Variants in MAPK4 observed in about 807,000 individuals in gnomAD.
MAPK4 encodes Erk3-related.
In MAPK4, 22 loss-of-function variants were observed where a neutral mutation model predicts 47.7. That is an observed-to-expected ratio of 0.46 (90% CI 0.33 to 0.66). The LOEUF (loss-of-function observed/expected upper bound fraction) is 0.66, where lower values mean the gene tolerates loss of function less well. MAPK4 is among the 30% of genes least tolerant of loss of function. The pLI is 0.02. For synonymous variants in MAPK4, 390 were observed against 365.7 expected, an observed-to-expected ratio of 1.07 and a Z score of -0.76; for missense variants, 736 against 831.7, an observed-to-expected ratio of 0.88 and a Z score of 1.42.
At chr18:50,597,315 G>T (rs1181012314) in intron 1 of MAPK4, among the ~76,000 whole-genome samples, 1 of 152,158 alleles carries the variant, frequency 6.6e-6, no homozygotes, top group South Asian at 2.1e-4. Flanking sequence ...CAGATCCAGA[G>T]ATATTACCAA....
At chr18:50,599,043 T>C (rs538112159) in intron 1 of MAPK4, among the ~76,000 whole-genome samples, 21 of 152,344 alleles carry the variant, frequency 1.4e-4, no homozygotes, top group Non-Finnish European at 2.2e-4. Flanking sequence ...TTCCATACTC[T>C]GTTCTTTGGA....
chr18:50,576,742 G>A (rs1013086264), intron 1 of MAPK4, among the ~76,000 whole-genome samples: 1 of 152,312 alleles, frequency 6.6e-6, no homozygotes, highest in African/African-American at 2.4e-5. Context: ...TGTCAGGTCT[G>A]TGGAAGTCCC....
intron 1 of MAPK4, among the ~76,000 whole-genome samples, chr18:50,643,435 A>T (rs910667477): frequency 6.6e-6 from 1 of 152,264 alleles, no homozygotes; most frequent in African/African-American, 2.4e-5. Context: ...AGGCGGGAGG[A>T]TCACTTGAAC....
intron 2 of MAPK4, among the ~76,000 whole-genome samples, chr18:50,688,416 G>T (rs1444059308): frequency 6.6e-6 from 1 of 152,210 alleles, no homozygotes; most frequent in Non-Finnish European, 1.5e-5. Flanking sequence ...GTCAGAAAAG[G>T]CATGTGGAGG....
At chr18:50,700,136 C>T (rs779563561) in intron 2 of MAPK4, among the ~76,000 whole-genome samples, 1 of 152,158 alleles carries the variant, frequency 6.6e-6, no homozygotes, top group Non-Finnish European at 1.5e-5. Context: ...AAAGCCCAAG[C>T]CTTCTAATCA....
chr18:50,687,272 A>G (rs1301015916), intron 2 of MAPK4, among the ~76,000 whole-genome samples: 1 of 152,006 alleles, frequency 6.6e-6, no homozygotes, highest in Non-Finnish European at 1.5e-5. Flanking sequence ...TGATCCTGTC[A>G]CCTCAGCCTC....
chr18:50,563,334 A>G lies in MAPK4; in HGVS notation c.-871+3091A>G, dbSNP rs576279049. Among the ~76,000 whole-genome samples the G allele has an allele frequency of 1.7e-3, 259 of 152,352 alleles. 1 individual carries two copies. The highest frequency in any genetic ancestry group is 3.3e-3 in the Non-Finnish European group (225 of 68,030). On this transcript the variant is annotated intron_variant, in intron 1 of 5. Transcript: ENST00000400384. ...AATAGCGTTGGCAAAGGTGTCAAGG[A>G]AAACAAACCGAATTTAGAGTACTTT...
chr18:50,689,211 C>T (rs1909069424), intron 2 of MAPK4, among the ~76,000 whole-genome samples: 1 of 147,294 alleles, frequency 6.8e-6, no homozygotes, highest in Non-Finnish European at 1.5e-5. Flanking sequence ...GCCTGGCCAA[C>T]ATGGCGAAAC....
At chr18:50,721,913 TA>T in intron 3 of MAPK4, 24 bp from the exon 4 acceptor site, 4 of 1,613,366 alleles carry the variant, frequency 2.5e-6, no homozygotes, top group Non-Finnish European at 3.4e-6. Context: ...ACAGCACACT[TA>T]ACCATCTGGC....
intron 2 of MAPK4, among the ~76,000 whole-genome samples, chr18:50,668,468 C>T (rs529489395): frequency 3.9e-5 from 6 of 152,324 alleles, no homozygotes; most frequent in South Asian, 2.1e-4. Context: ...CTGGCCACGT[C>T]GAGGTTTCAA....
At chr18:50,708,052 T>C (rs1050265646) in intron 2 of MAPK4, among the ~76,000 whole-genome samples, 5 of 152,240 alleles carry the variant, frequency 3.3e-5, no homozygotes, top group African/African-American at 1.2e-4. Flanking sequence ...GATTTCCCAG[T>C]GATTGCGATG....
At chr18:50,612,724 A>G (rs2042649961) in intron 1 of MAPK4, among the ~76,000 whole-genome samples, 1 of 152,194 alleles carries the variant, frequency 6.6e-6, no homozygotes, top group Admixed American at 6.5e-5. Context: ...GCAGGAAATT[A>G]TTGCTGAATT....
At chr18:50,671,481 G>GTT (rs1907945080) in intron 2 of MAPK4, among the ~76,000 whole-genome samples, 1 of 152,136 alleles carries the variant, frequency 6.6e-6, no homozygotes, top group Non-Finnish European at 1.5e-5. Flanking sequence ...AGTTTGTTAA[G>GTT]TTTGTGGTTC....
intron 1 of MAPK4, among the ~76,000 whole-genome samples, chr18:50,645,201 A>G (rs1177844016): frequency 6.6e-6 from 1 of 152,240 alleles, no homozygotes; most frequent in African/African-American, 2.4e-5. Context: ...GTGAATGCCA[A>G]CGCGCCATCC....
intron 1 of MAPK4, among the ~76,000 whole-genome samples, chr18:50,640,020 C>A (rs976625338): frequency 6.6e-6 from 1 of 152,338 alleles, no homozygotes; most frequent in East Asian, 1.9e-4. Flanking sequence ...ATGTCACAAA[C>A]CTTTTATTCT....
At chr18:50,627,735 T>A (rs1247682112) in intron 1 of MAPK4, among the ~76,000 whole-genome samples, 1 of 152,202 alleles carries the variant, frequency 6.6e-6, no homozygotes, top group Admixed American at 6.5e-5. Flanking sequence ...TGGTACTGCC[T>A]GCCCAGGAGA....
At chr18:50,563,200 G>C (rs1371196049) in intron 1 of MAPK4, among the ~76,000 whole-genome samples, 3 of 152,272 alleles carry the variant, frequency 2.0e-5, no homozygotes, top group African/African-American at 7.2e-5. Context: ...TAAGAAAAGG[G>C]GGAAAAACTA....
intron 1 of MAPK4, among the ~76,000 whole-genome samples, chr18:50,660,419 G>A (rs777868261): frequency 6.6e-6 from 1 of 152,178 alleles, no homozygotes; most frequent in Non-Finnish European, 1.5e-5. Context: ...ACAAGGGACA[G>A]TGACCACCTA....
rs1403159789 is a variant in MAPK4, at chr18:50,730,001, C to T, written c.*147C>T. On this transcript the variant is annotated 3_prime_UTR_variant, in exon 6 of 6. Transcript: ENST00000400384. ...GGATCCGAGGAGCGAGAGGAATGTCCATTTCTTAAACTGCCTTAATAACTA... is the reference window on the plus strand; with the variant it reads ...GGATCCGAGGAGCGAGAGGAATGTCTATTTCTTAAACTGCCTTAATAACTA... The T allele has an allele frequency of 7.2e-6, 6 of 837,648 alleles. No homozygotes were observed. Among genetic ancestry groups the T allele is most frequent in the East Asian group, 5.5e-5 (2 of 36,498 alleles). The allele number at this position is 837,648 out of a possible 1,614,324, so 51.9% of individuals were successfully genotyped here. A position where few individuals can be genotyped will look rare whatever the true frequency, so the allele number is the denominator to read the frequency against.
Sources: allele counts gnomAD v4.1 joint callset (sites outside exome capture counted in the v4.1 genomes callset), GRCh38; gene constraint gnomAD v4.1.1; transcripts MANE v1.5; gene names NCBI Gene and HGNC (gene_info 2026-07-23, HGNC 2026-07-21).